CDKAL1: variants seen among roughly 807,000 people sequenced by gnomAD.
CDKAL1 encodes the protein CDKAL1 threonylcarbamoyladenosine tRNA methylthiotransferase.
Under a neutral mutation model 68.2 loss-of-function variants are expected in CDKAL1, and 32 were observed. The observed-to-expected ratio is 0.47, with a 90% CI of 0.35 to 0.63. The LOEUF is 0.63. CDKAL1 is among the 30% of genes least tolerant of loss of function. CDKAL1 has a pLI of 0.00. For missense variants in CDKAL1, 606 were observed against 696.7 expected, an observed-to-expected ratio of 0.87 and a Z score of 1.47; for synonymous variants, 234 against 244.3, an observed-to-expected ratio of 0.96 and a Z score of 0.39.
At chr6:20,965,938 C>G (rs539254602) in intron 10 of CDKAL1, among the ~76,000 whole-genome samples, 13 of 152,328 alleles carry the variant, frequency 8.5e-5, no homozygotes, top group African/African-American at 3.1e-4. Flanking sequence ...TTCCTTTACA[C>G]TTTTCTATTC....
intron 8 of CDKAL1, among the ~76,000 whole-genome samples, chr6:20,826,037 A>G (rs201278087): frequency 6.6e-6 from 1 of 152,130 alleles, no homozygotes; most frequent in East Asian, 1.9e-4. Flanking sequence ...GCTACTTGTA[A>G]TTATATCATT....
Position 21,044,847 on chromosome 6 carries a change from T to A in CDKAL1, c.1056-20201T>A, listed in dbSNP as rs566633939. Among the ~76,000 whole-genome samples, 118 of 152,312 alleles carry A rather than the reference T, an allele frequency of 7.7e-4. 1 individual carries two copies. Among genetic ancestry groups the A allele is most frequent in the Admixed American group, 2.7e-3 (42 of 15,298 alleles). On this transcript the variant is annotated intron_variant, in intron 11 of 15. Transcript: ENST00000274695. ...CAAATACCTGAGACTGGGCAATTTA[T>A]AAACTATAGAAATTTATTTCTCACA...
intron 4 of CDKAL1, among the ~76,000 whole-genome samples, chr6:20,586,407 G>C (rs137935175): frequency 0.094 from 14,349 of 152,252 alleles, 781 homozygotes; most frequent in African/African-American, 0.12. Context: ...GGAGGCCAAG[G>C]TGGGTGGATC....
chr6:20,816,071 C>T (rs564870446), intron 8 of CDKAL1, among the ~76,000 whole-genome samples: 5 of 151,960 alleles, frequency 3.3e-5, no homozygotes, highest in Admixed American at 1.3e-4. Flanking sequence ...GGCAGCATGA[C>T]TCCATTCTCT....
chr6:21,190,613 C>T (rs181094111), intron 13 of CDKAL1, among the ~76,000 whole-genome samples: 3 of 152,260 alleles, frequency 2.0e-5, no homozygotes, highest in South Asian at 2.1e-4. Context: ...GTGATCCACC[C>T]GCCTCGGCCT....
At chr6:20,644,086 G>A (rs571041280) in intron 4 of CDKAL1, among the ~76,000 whole-genome samples, 1 of 150,628 alleles carries the variant, frequency 6.6e-6, no homozygotes, top group East Asian at 1.9e-4. Context: ...GCCCGCCTCT[G>A]CCTCCTGCAG....
rs114152085 is a variant in CDKAL1, at chr6:20,635,601, A to G, written c.287-13692A>G. 6.0e-3 allele frequency among the ~76,000 whole-genome samples: 912 copies of G among 152,292 alleles called. 10 individuals are homozygous for G. The highest frequency in any genetic ancestry group is 0.021 in the African/African-American group (872 of 41,562). On this transcript the variant is annotated intron_variant, in intron 4 of 15. Transcript: ENST00000274695. The stretch of plus-strand genomic sequence containing the variant: ...TTTGAGCATCCTGCGGTTACTCAAA[A>G]AGTTTCAGATTTTGGAGCATTTTGA...
At chr6:21,226,930 T>C (rs1438435517) in intron 15 of CDKAL1, among the ~76,000 whole-genome samples, 1 of 152,230 alleles carries the variant, frequency 6.6e-6, no homozygotes, top group Admixed American at 6.5e-5. Flanking sequence ...GCCAGGATGG[T>C]CTCATCTCCT....
At chr6:20,772,038 A>G (rs1479769809) in intron 7 of CDKAL1, among the ~76,000 whole-genome samples, 1 of 152,174 alleles carries the variant, frequency 6.6e-6, no homozygotes, top group East Asian at 1.9e-4. Flanking sequence ...GTGGCTTACA[A>G]GTTCCTTATG....
intron 10 of CDKAL1, among the ~76,000 whole-genome samples, chr6:20,972,464 C>G (rs1433912567): frequency 6.6e-6 from 1 of 152,196 alleles, no homozygotes; most frequent in Non-Finnish European, 1.5e-5. Flanking sequence ...CTATCAGTTT[C>G]TTTTTATGTT....
intron 13 of CDKAL1, among the ~76,000 whole-genome samples, chr6:21,161,482 TAGAG>T (rs1263090735): frequency 6.6e-6 from 1 of 152,304 alleles, no homozygotes; most frequent in Non-Finnish European, 1.5e-5. Flanking sequence ...TTAGCAATAA[TAGAG>T]AGATGCCCAT....
intron 9 of CDKAL1, among the ~76,000 whole-genome samples, chr6:20,858,657 A>G (rs1759459788): frequency 6.6e-6 from 1 of 152,188 alleles, no homozygotes; most frequent in Admixed American, 6.5e-5. Flanking sequence ...TGTAGTAGGA[A>G]TCTGCAGTTC....
intron 8 of CDKAL1, among the ~76,000 whole-genome samples, chr6:20,799,330 GCGTGAGCCAC>G (rs1372115570): frequency 6.6e-6 from 1 of 152,032 alleles, no homozygotes; most frequent in Non-Finnish European, 1.5e-5. Flanking sequence ...GGGATTACAG[GCGTGAGCCAC>G]CGTGCCCGGC....
chr6:20,760,960 A>T (rs1029473292), intron 7 of CDKAL1, among the ~76,000 whole-genome samples: 1 of 152,204 alleles, frequency 6.6e-6, no homozygotes, highest in African/African-American at 2.4e-5. Flanking sequence ...TGTCAAGAGG[A>T]TGGGAAAATA....
intron 9 of CDKAL1, among the ~76,000 whole-genome samples, chr6:20,893,861 G>C (rs1761538659): frequency 6.6e-6 from 1 of 152,136 alleles, no homozygotes; most frequent in Non-Finnish European, 1.5e-5. Context: ...TGATGATGAT[G>C]ATGATCATGA....
At chr6:20,713,666 T>C (rs1293608132) in intron 5 of CDKAL1, among the ~76,000 whole-genome samples, 1 of 152,208 alleles carries the variant, frequency 6.6e-6, no homozygotes, top group Non-Finnish European at 1.5e-5. Flanking sequence ...TAAAGATTTT[T>C]ATGATCGATT....
intron 6 of CDKAL1, among the ~76,000 whole-genome samples, chr6:20,746,002 A>G (rs1204125673): frequency 1.3e-5 from 2 of 152,164 alleles, no homozygotes; most frequent in African/African-American, 2.4e-5. Flanking sequence ...GATGTCCCAA[A>G]CACTGTTTCT....
intron 10 of CDKAL1, among the ~76,000 whole-genome samples, chr6:20,983,265 G>A (rs1436463098): frequency 2.0e-5 from 3 of 152,138 alleles, no homozygotes; most frequent in Non-Finnish European, 4.4e-5. Context: ...TTAATTTTAA[G>A]TAATGTAATA....
At chr6:20,911,453 T>C (rs1762465661) in intron 9 of CDKAL1, among the ~76,000 whole-genome samples, 1 of 152,192 alleles carries the variant, frequency 6.6e-6, no homozygotes, top group African/African-American at 2.4e-5. Flanking sequence ...GTTTCACACG[T>C]TAATTTTGCA....
Sources: gnomAD v4.1 joint callset for allele counts (sites outside exome capture counted in the v4.1 genomes callset) on GRCh38, gnomAD v4.1.1 for gene constraint, MANE v1.5 for transcripts, NCBI Gene and HGNC (gene_info 2026-07-23, HGNC 2026-07-21) for gene names.